Variants in PTPRM observed in about 807,000 individuals in gnomAD.
PTPRM encodes protein tyrosine phosphatase receptor type M, also known as receptor-type tyrosine-protein phosphatase mu.
Under a neutral mutation model 186.7 loss-of-function variants are expected in PTPRM, and 47 were observed. The ratio of observed to expected loss-of-function variants is 0.25; its 90% CI spans 0.20 to 0.32. The LOEUF (loss-of-function observed/expected upper bound fraction) is 0.32, where lower values mean the gene tolerates loss of function less well. Among genes scored for constraint, PTPRM ranks in the 10% least tolerant of loss-of-function variants. PTPRM has a pLI of 1.00. For synonymous variants in PTPRM, 668 were observed against 674.9 expected (o/e 0.99, Z 0.16); for missense variants, 1,494 against 1,865.0 (o/e 0.80, Z 3.66).
Position 8,283,612 on chromosome 18 carries a change from G to T in PTPRM, c.2755-12756G>T, listed in dbSNP as rs199750843. Among the ~76,000 whole-genome samples the T allele has an allele frequency of 3.9e-5, 6 of 152,256 alleles. No individual in the cohort carries two copies. In the East Asian group the frequency reaches 9.6e-4, roughly 24 times the overall value. On this transcript the variant is annotated intron_variant, in intron 19 of 32. Transcript: ENST00000580170. Reference sequence around the variant, plus strand: ...CATTTGTTATCTTGTGTTATTGTTAGTATTATGTTATTTATTTATGTTTTT... The same window carrying T: ...CATTTGTTATCTTGTGTTATTGTTATTATTATGTTATTTATTTATGTTTTT...
chr18:7,859,508 G>A (rs1203489284), intron 2 of PTPRM, among the ~76,000 whole-genome samples: 4 of 152,350 alleles, frequency 2.6e-5, no homozygotes, highest in Non-Finnish European at 4.4e-5. Flanking sequence ...CTGGCACCTG[G>A]GGCTTCCATG....
intron 19 of PTPRM, among the ~76,000 whole-genome samples, chr18:8,264,774 CAAAAA>C (rs577367071): frequency 4.0e-5 from 4 of 100,070 alleles, no homozygotes; most frequent in Admixed American, 1.0e-4. Context: ...GACTCCATCT[CAAAAA>C]AAAAAAAAAA....
Position 8,224,815 on chromosome 18 carries a change from C to G in PTPRM, c.2301-19243C>G, listed in dbSNP as rs150649200. On this transcript the variant is annotated intron_variant, in intron 14 of 32. Transcript: ENST00000580170. The stretch of plus-strand genomic sequence containing the variant: ...ATTCTTATGCTGTCATTTAACGCGT[C>G]CCTCAGTTATCTGGACTTGCTGTGA... 3.3e-3 allele frequency among the ~76,000 whole-genome samples: 508 copies of G among 152,320 alleles called. 2 individuals are homozygous for G. The highest frequency in any genetic ancestry group is 5.3e-3 in the Non-Finnish European group (360 of 68,036).
chr18:7,641,910 A>C (rs896600981), intron 1 of PTPRM, among the ~76,000 whole-genome samples: 2 of 152,186 alleles, frequency 1.3e-5, no homozygotes, highest in Admixed American at 6.5e-5. Context: ...AGGTTAAGTA[A>C]ATGATCTAAG....
chr18:7,579,578 C>T (rs1167477328), intron 1 of PTPRM, among the ~76,000 whole-genome samples: 7 of 152,300 alleles, frequency 4.6e-5, no homozygotes, highest in Non-Finnish European at 4.4e-5. Context: ...TTATCTGCTT[C>T]GTATATATCT....
chr18:7,751,803 C>T (rs2041231121), intron 1 of PTPRM, among the ~76,000 whole-genome samples: 1 of 152,212 alleles, frequency 6.6e-6, no homozygotes, highest in Non-Finnish European at 1.5e-5. Context: ...CTAGTCAGTT[C>T]ACTCTCTAGG....
chr18:7,713,942 C>T (rs1014860560), intron 1 of PTPRM, among the ~76,000 whole-genome samples: 1 of 152,038 alleles, frequency 6.6e-6, no homozygotes, highest in African/African-American at 2.4e-5. Flanking sequence ...CTTTAACACC[C>T]CACTGTCAAT....
In PTPRM at chr18:7,659,117, TACACACAC is replaced by T. The variant is rs10541547; in HGVS notation, c.73+91258_73+91265del. On this transcript the variant is annotated intron_variant, in intron 1 of 32. Transcript: ENST00000580170. The stretch of plus-strand genomic sequence containing the variant: ...GCAGGTATACACATGCACATGTATG[TACACACAC>T]ACACACACACACACACACACACACA... Among the ~76,000 whole-genome samples, 362 of 144,014 alleles carry T rather than the reference TACACACAC, an allele frequency of 2.5e-3. 2 individuals carry two copies. The highest frequency in any genetic ancestry group is 8.6e-3 in the African/African-American group (334 of 39,004). The allele number at this position is 144,014 out of a possible 152,430, so 94.5% of individuals were successfully genotyped here.
intron 7 of PTPRM, among the ~76,000 whole-genome samples, chr18:7,965,690 GTATGT>G (rs1409059782): frequency 2.6e-5 from 4 of 152,174 alleles, no homozygotes; most frequent in Non-Finnish European, 5.9e-5. Context: ...GACTTACCAG[GTATGT>G]TATGTGTTAT....
At chr18:8,394,384 C>G (rs368379983) in intron 31 of PTPRM, 92 bp from the exon 32 acceptor site, 6 of 1,398,932 alleles carry the variant, frequency 4.3e-6, no homozygotes, top group Non-Finnish European at 5.7e-6. Context: ...TGTTACTGTT[C>G]CCCAGGGTTT....
At position 8,210,731 on chromosome 18, in the gene PTPRM, C is replaced by A. The variant is rs528081927; in HGVS notation, c.2301-33327C>A. On this transcript the variant is annotated intron_variant, in intron 14 of 32. Coordinates refer to ENST00000580170, the MANE Select transcript of PTPRM (RefSeq NM_001105244.2). ...AGTTTTCACCAGATGATATTTAAAA[C>A]AACGAGACTGTATGACGTTCTGAAG... Among the ~76,000 whole-genome samples the A allele has an allele frequency of 1.2e-4, 19 of 152,184 alleles. 1 individual carries two copies. In the East Asian group the frequency reaches 1.5e-3, roughly 12 times the overall value.
chr18:7,705,313 A>ATCTG (rs1568041010), intron 1 of PTPRM, among the ~76,000 whole-genome samples: 4 of 150,836 alleles, frequency 2.7e-5, no homozygotes, highest in African/African-American at 9.8e-5. Context: ...CTATCTATCT[A>ATCTG]TCTATCTATC....
At chr18:8,189,738 A>C (rs981882264) in intron 14 of PTPRM, among the ~76,000 whole-genome samples, 1 of 152,220 alleles carries the variant, frequency 6.6e-6, no homozygotes, top group Non-Finnish European at 1.5e-5. Flanking sequence ...GAAGACTTCC[A>C]TCTGGAATAC....
At chr18:7,771,055 G>C (rs1025635369) in intron 1 of PTPRM, among the ~76,000 whole-genome samples, 1 of 152,320 alleles carries the variant, frequency 6.6e-6, no homozygotes, top group African/African-American at 2.4e-5. Flanking sequence ...CCTGGCACCA[G>C]TGTTGTATTA....
chr18:7,996,642 T>C (rs572273276), intron 7 of PTPRM, among the ~76,000 whole-genome samples: 2 of 152,026 alleles, frequency 1.3e-5, no homozygotes, highest in African/African-American at 2.4e-5. Flanking sequence ...TAGAAATACC[T>C]TAAAAACTAT....
intron 14 of PTPRM, among the ~76,000 whole-genome samples, chr18:8,147,722 CCAGT>C (rs1414153213): frequency 6.6e-6 from 1 of 152,128 alleles, no homozygotes; most frequent in East Asian, 1.9e-4. Flanking sequence ...TTGTCTTGTG[CCAGT>C]TTTTAAAGGG....
chr18:7,621,008 C>A (rs1034878456), intron 1 of PTPRM, among the ~76,000 whole-genome samples: 10 of 151,892 alleles, frequency 6.6e-5, no homozygotes, highest in African/African-American at 2.4e-4. Flanking sequence ...CTAGTGAGAC[C>A]CCGTGTCTAC....
At chr18:7,858,326 G>T (rs1210542446) in intron 2 of PTPRM, among the ~76,000 whole-genome samples, 1 of 152,114 alleles carries the variant, frequency 6.6e-6, no homozygotes, top group Non-Finnish European at 1.5e-5. Flanking sequence ...GGAGGCCGAG[G>T]TGGGAGGATC....
intron 14 of PTPRM, among the ~76,000 whole-genome samples, chr18:8,241,556 A>G (rs990432820): frequency 2.6e-5 from 4 of 152,216 alleles, no homozygotes; most frequent in Non-Finnish European, 4.4e-5. Context: ...AAGAGTTGAT[A>G]TAAAGTCGGG....
Sources: allele counts gnomAD v4.1 joint callset (sites outside exome capture counted in the v4.1 genomes callset), GRCh38; gene constraint gnomAD v4.1.1; transcripts MANE v1.5; gene names NCBI Gene and HGNC (gene_info 2026-07-23, HGNC 2026-07-21).